The following HEATR4 variants were observed in gnomAD, a reference collection of about 807,000 sequenced individuals.
HEATR4 encodes HEAT repeat-containing protein 4.
In HEATR4, 95 loss-of-function variants were observed where a neutral mutation model predicts 108.8. The observed-to-expected ratio is 0.87, with a 90% confidence interval of 0.74 to 1.04. The LOEUF is 1.04. HEATR4 is among the 50% of genes least tolerant of loss of function. HEATR4 has a pLI of 0.00. For synonymous variants in HEATR4, 443 were observed against 459.4 expected, an observed-to-expected ratio of 0.96 and a Z score of 0.46; for missense variants, 1,152 against 1,253.8, an observed-to-expected ratio of 0.92 and a Z score of 1.23.
the HEATR4 span, chr14:73,595,153 T>G: frequency 6.2e-7 from 1 of 1,614,254 alleles, no homozygotes; most frequent in East Asian, 2.2e-5. Flanking sequence ...TTTCCATCAA[T>G]GGATCTGGGA....
chr14:73,617,174 T>A, the HEATR4 span: 1 of 1,614,206 alleles, frequency 6.2e-7, no homozygotes, highest in Non-Finnish European at 8.5e-7. Flanking sequence ...CCGTGGACTT[T>A]ATGCTGCAGC....
rs375588837 is a variant in HEATR4, at chr14:73,504,141, G to A, written c.1987-1128C>T. The stretch of plus-strand genomic sequence containing the variant: ...TGCCCAGGCTGGAGTGCAATGGCAC[G>A]ATCTCGGCTCACTGCAACCTCCGCC... On this transcript the variant is annotated intron_variant, in intron 10 of 17. Transcript: ENST00000553558. Among the ~76,000 whole-genome samples, 39 of 148,554 alleles carry A rather than the reference G, an allele frequency of 2.6e-4. No individual in the cohort carries two copies. The East Asian group carries it at 5.7e-3, about 22-fold the overall frequency.
At chr14:73,592,847 C>T in the HEATR4 span, among the ~76,000 whole-genome samples, 7 of 151,696 alleles carry the variant, frequency 4.6e-5, no homozygotes, top group East Asian at 1.9e-4. Context: ...AGCGAGACTC[C>T]GTCTCAAAAA....
chr14:73,586,029 A>T, the HEATR4 span, among the ~76,000 whole-genome samples: 3 of 151,226 alleles, frequency 2.0e-5, no homozygotes, highest in Non-Finnish European at 4.4e-5. Context: ...ACCAAAAAAA[A>T]AAAAAACGTA....
At chr14:73,511,520 AAAATAAATAAATAAAT>A (rs548747393) in intron 7 of HEATR4, among the ~76,000 whole-genome samples, 2,662 of 141,748 alleles carry the variant, frequency 0.019, 34 homozygotes, top group Middle Eastern at 0.039. Flanking sequence ...CTCTGTCTCA[AAAATAAATAAATAAAT>A]AAATAAATAA....
chr14:73,588,246 C>T, the HEATR4 span, among the ~76,000 whole-genome samples: 5 of 152,240 alleles, frequency 3.3e-5, no homozygotes, highest in African/African-American at 4.8e-5. Context: ...GTGATCCGCC[C>T]GCTTCAGCCT....
chr14:73,591,540 T>TAA, the HEATR4 span, among the ~76,000 whole-genome samples: 43 of 149,986 alleles, frequency 2.9e-4, no homozygotes, highest in Admixed American at 7.3e-4. Flanking sequence ...AGACTCTGTT[T>TAA]CAAAAAAAAA....
chr14:73,604,532 C>T, the HEATR4 span, among the ~76,000 whole-genome samples: 1 of 151,986 alleles, frequency 6.6e-6, no homozygotes, highest in Admixed American at 6.6e-5. Context: ...GTTGCCCAGG[C>T]TGGAGTGCAA....
At chr14:73,590,405 A>G in the HEATR4 span, among the ~76,000 whole-genome samples, 1 of 152,388 alleles carries the variant, frequency 6.6e-6, no homozygotes, top group South Asian at 2.1e-4. Flanking sequence ...TCAGGAGTCC[A>G]GCTGGCTTCA....
the HEATR4 span, among the ~76,000 whole-genome samples, chr14:73,629,489 A>G: frequency 6.6e-6 from 1 of 152,208 alleles, no homozygotes; most frequent in African/African-American, 2.4e-5. Context: ...AGTCAGTCCA[A>G]GGCCAAAGCC....
Position 73,558,513 on chromosome 14 carries a change from A to ATT in HEATR4, c.-152+236_-152+237dup, listed in dbSNP as rs66706377. On this transcript the variant is annotated intron_variant, in intron 1 of 17. Transcript: ENST00000553558. ...CACATAGCACACCACTCTCGGTTAA[A>ATT]TTTTTTTTTTTTTTTTTTTTTTTGT... Among the ~76,000 whole-genome samples, 145 of 73,516 alleles carry ATT rather than the reference A, an allele frequency of 2.0e-3. 1 individual carries two copies. Among genetic ancestry groups the ATT allele is most frequent in the Non-Finnish European group, 2.4e-3 (98 of 40,786 alleles). The allele number at this position is 73,516 out of a possible 152,430, so 48.2% of individuals were successfully genotyped here. A position where few individuals can be genotyped will look rare whatever the true frequency, so the allele number is the denominator to read the frequency against.
chr14:73,631,235 A>C, the HEATR4 span, among the ~76,000 whole-genome samples: 3 of 152,130 alleles, frequency 2.0e-5, no homozygotes, highest in African/African-American at 7.2e-5. Flanking sequence ...GGGTTAATTC[A>C]CCTCATTTTA....
At position 73,492,001 on chromosome 14, in the gene HEATR4, C is replaced by T. The variant is rs750627357; in HGVS notation, c.2844+1065G>A. 4 of 1,614,018 alleles carry T rather than the reference C, an allele frequency of 2.5e-6. No individual in the cohort carries two copies. The highest frequency in any genetic ancestry group is 2.2e-5 in the East Asian group (1 of 44,882). On this transcript the variant is annotated intron_variant, in intron 17 of 17. Coordinates refer to ENST00000553558, the MANE Select transcript of HEATR4 (RefSeq NM_001220484.1). The surrounding 1 kb of genome is among the most constrained non-coding windows in gnomAD (Gnocchi z 4.9). ...GAAGCATGGCAGGCTCCAACGTTTA[C>T]CTCACGCCCCCTAACTCGCAGGGCT...
At chr14:73,505,946 A>C (rs1342377546) in intron 10 of HEATR4, among the ~76,000 whole-genome samples, 10 of 141,890 alleles carry the variant, frequency 7.0e-5, no homozygotes, top group African/African-American at 1.8e-4. Context: ...GCTAGAGAGC[A>C]GTGGTGAGAT....
At chr14:73,612,954 A>C in the HEATR4 span, 21 of 1,250,504 alleles carry the variant, frequency 1.7e-5, no homozygotes, top group Non-Finnish European at 2.1e-5. Context: ...AACAAGCGCG[A>C]CTTTCTCCGG....
chr14:73,573,910 G>A, the HEATR4 span, among the ~76,000 whole-genome samples: 5 of 151,966 alleles, frequency 3.3e-5, no homozygotes, highest in African/African-American at 9.7e-5. Context: ...TATTTTTAGT[G>A]GAGGCGGGGT....
At chr14:73,525,627 G>A (rs949869501) in intron 2 of HEATR4, among the ~76,000 whole-genome samples, 1 of 152,088 alleles carries the variant, frequency 6.6e-6, no homozygotes, top group South Asian at 2.1e-4. Context: ...CTCCATGCAG[G>A]AACACCAAAC....
chr14:73,513,506 A>C (rs1887393492), intron 6 of HEATR4, among the ~76,000 whole-genome samples: 1 of 151,742 alleles, frequency 6.6e-6, no homozygotes. Context: ...CGGGCAGATC[A>C]CCTGAGGTCA....
chr14:73,628,621 C>T, the HEATR4 span, among the ~76,000 whole-genome samples: 9 of 152,068 alleles, frequency 5.9e-5, no homozygotes, highest in Non-Finnish European at 1.0e-4. Flanking sequence ...GGAGTGGTGG[C>T]GCATGCCTGT....
Sources: allele counts gnomAD v4.1 joint callset (sites outside exome capture counted in the v4.1 genomes callset), GRCh38; gene constraint gnomAD v4.1.1; non-coding constraint Gnocchi (gnomAD v3.1); transcripts MANE v1.5; gene names NCBI Gene and HGNC (gene_info 2026-07-23, HGNC 2026-07-21).